TBC1D5: variants seen among roughly 807,000 people sequenced by gnomAD.
TBC1D5 encodes TBC1 domain family, member 5.
A neutral mutation model predicts 100.3 loss-of-function variants in TBC1D5; 75 were observed. The observed-to-expected ratio is 0.75, with a 90% CI of 0.62 to 0.91. The LOEUF (loss-of-function observed/expected upper bound fraction) is 0.91, where lower values mean the gene tolerates loss of function less well. TBC1D5 is among the 40% of genes least tolerant of loss of function. TBC1D5 has a pLI of 0.00. For synonymous variants in TBC1D5, 323 were observed against 325.6 expected, an observed-to-expected ratio of 0.99 and a Z score of 0.09; for missense variants, 910 against 942.4, an observed-to-expected ratio of 0.97 and a Z score of 0.45.
intron 2 of TBC1D5, among the ~76,000 whole-genome samples, chr3:17,615,719 G>C (rs1404842096): frequency 6.6e-6 from 1 of 152,162 alleles, no homozygotes; most frequent in African/African-American, 2.4e-5. Context: ...ATTTCTGTGG[G>C]ATCAGTGATA....
rs1229617779 is a variant in TBC1D5 at position 17,238,553 on chromosome 3, A to G, written c.1332-134T>C. On this transcript the variant is annotated intron_variant, in intron 16 of 21. Transcript: ENST00000253692. Reference sequence around the variant, plus strand: ...ACTAGACCAGCTATATAAAGTGAGAAGTGAAAAATTTAAAGTTACTACAGA... The same window carrying G: ...ACTAGACCAGCTATATAAAGTGAGAGGTGAAAAATTTAAAGTTACTACAGA... 3.8e-6 allele frequency: 4 copies of G among 1,052,312 alleles called. No individual in the cohort carries two copies. The African/African-American group carries it at 6.5e-5, about 17-fold the overall frequency. 65.2% of individuals were successfully genotyped at this position (1,052,312 alleles called of 1,614,324 possible).
intron 16 of TBC1D5, among the ~76,000 whole-genome samples, chr3:17,246,287 C>T (rs2076731788): frequency 6.6e-6 from 1 of 152,010 alleles, no homozygotes; most frequent in Admixed American, 6.6e-5. Flanking sequence ...GATGACCTAA[C>T]TAAAGGATGA....
chr3:17,422,155 T>C (rs2094222124), intron 4 of TBC1D5, among the ~76,000 whole-genome samples: 1 of 152,044 alleles, frequency 6.6e-6, no homozygotes, highest in Non-Finnish European at 1.5e-5. Flanking sequence ...GTTTTTGTTT[T>C]TTGGTTTTTG....
intron 14 of TBC1D5, among the ~76,000 whole-genome samples, chr3:17,306,208 G>A (rs1267170989): frequency 1.3e-5 from 2 of 152,074 alleles, no homozygotes; most frequent in South Asian, 4.2e-4. Flanking sequence ...TTGACTCACA[G>A]CAGCCCAGAG....
chr3:17,705,406 C>T (rs1249207309), intron 1 of TBC1D5, among the ~76,000 whole-genome samples: 1 of 142,540 alleles, frequency 7.0e-6, no homozygotes, highest in African/African-American at 2.6e-5. Flanking sequence ...TCCTCACTTC[C>T]CAGATGGGGT....
chr3:17,455,120 G>C (rs1037452389), intron 3 of TBC1D5, among the ~76,000 whole-genome samples: 4 of 145,062 alleles, frequency 2.8e-5, no homozygotes, highest in Admixed American at 6.9e-5. Flanking sequence ...AACCACAGAA[G>C]ACTCAAAATA....
intron 3 of TBC1D5, among the ~76,000 whole-genome samples, chr3:17,430,818 C>A (rs546523998): frequency 6.6e-6 from 1 of 151,954 alleles, no homozygotes; most frequent in East Asian, 1.9e-4. Context: ...CAGACAGAAT[C>A]TGTAATTCTG....
chr3:17,654,010 G>C (rs544563252), intron 1 of TBC1D5, among the ~76,000 whole-genome samples: 35 of 152,072 alleles, frequency 2.3e-4, no homozygotes, highest in African/African-American at 8.0e-4. Context: ...TTCTTTTTGG[G>C]GTGAGAGAGT....
intron 2 of TBC1D5, among the ~76,000 whole-genome samples, chr3:17,613,681 C>G: frequency 6.6e-6 from 1 of 152,178 alleles, no homozygotes; most frequent in Non-Finnish European, 1.5e-5. Flanking sequence ...GCATAAATGT[C>G]TTCTTTTGAG....
chr3:17,366,524 G>A (rs1178816154), intron 13 of TBC1D5, among the ~76,000 whole-genome samples: 1 of 152,052 alleles, frequency 6.6e-6, no homozygotes, highest in Non-Finnish European at 1.5e-5. Context: ...ATTCAGTAGT[G>A]TATGAAAGCA....
chr3:17,627,206 T>A (rs112554077), intron 1 of TBC1D5, among the ~76,000 whole-genome samples: 1 of 151,968 alleles, frequency 6.6e-6, no homozygotes, highest in African/African-American at 2.4e-5. Context: ...AGATCTAAGA[T>A]AAAGAGTCTG....
intron 10 of TBC1D5, 96 bp downstream of exon 10, chr3:17,376,429 A>AC (rs1222812626): frequency 3.0e-6 from 3 of 1,009,698 alleles, no homozygotes; most frequent in Non-Finnish European, 4.4e-6. Context: ...TACAGCTTGT[A>AC]AGTACCTTCC....
chr3:17,706,351 T>C, intron 1 of TBC1D5: 1 of 1,275,660 alleles, frequency 7.8e-7, no homozygotes, highest in South Asian at 1.5e-5. Flanking sequence ...ACATATTTTA[T>C]ATTTGAAGGA....
chr3:17,200,975 G>A (rs1161117512), intron 18 of TBC1D5, among the ~76,000 whole-genome samples: 1 of 152,170 alleles, frequency 6.6e-6, no homozygotes, highest in Non-Finnish European at 1.5e-5. Flanking sequence ...CTGTGTAAAT[G>A]ACTTGGTGTG....
chr3:17,598,457 C>T (rs925078686), intron 2 of TBC1D5, among the ~76,000 whole-genome samples: 7 of 152,154 alleles, frequency 4.6e-5, no homozygotes, highest in Non-Finnish European at 1.0e-4. Context: ...CAGTTCCAGA[C>T]TTCTTATTCT....
At chr3:17,686,059 G>A (rs1428491688) in intron 1 of TBC1D5, among the ~76,000 whole-genome samples, 2 of 152,124 alleles carry the variant, frequency 1.3e-5, no homozygotes, top group Admixed American at 1.3e-4. Context: ...TATTGGGGCT[G>A]ACACACAAGC....
chr3:17,622,976 A>G (rs771754167), intron 2 of TBC1D5, among the ~76,000 whole-genome samples: 11 of 152,224 alleles, frequency 7.2e-5, no homozygotes, highest in Non-Finnish European at 1.0e-4. Context: ...CCAAAAGCCT[A>G]TGAGCTCTAA....
At chr3:17,549,540 A>G (rs990950411) in intron 2 of TBC1D5, among the ~76,000 whole-genome samples, 3 of 152,220 alleles carry the variant, frequency 2.0e-5, no homozygotes, top group Non-Finnish European at 4.4e-5. Flanking sequence ...ACAAGCCTTT[A>G]GTATGATTTT....
intron 1 of TBC1D5, among the ~76,000 whole-genome samples, chr3:17,721,621 G>A (rs148140993): frequency 1.3e-5 from 2 of 152,184 alleles, no homozygotes; most frequent in South Asian, 2.1e-4. Flanking sequence ...GCAGTGAACC[G>A]AGATTGTGCC....
Sources: allele counts gnomAD v4.1 joint callset (sites outside exome capture counted in the v4.1 genomes callset), GRCh38; gene constraint gnomAD v4.1.1; transcripts MANE v1.5; gene names NCBI Gene and HGNC (gene_info 2026-07-23, HGNC 2026-07-21).